The following MICAL2 variants were observed in gnomAD, a reference collection of about 807,000 sequenced individuals.
The protein encoded by MICAL2 is microtubule associated monooxygenase, calponin and LIM domain containing 2.
In MICAL2, 77 loss-of-function variants were observed where a neutral mutation model predicts 127.3. That is an observed-to-expected ratio of 0.60 (90% CI 0.50 to 0.73). MICAL2 has a LOEUF of 0.73. MICAL2 is among the 30% of genes least tolerant of loss of function. MICAL2 has a pLI of 0.00. For synonymous variants in MICAL2, 570 were observed against 551.1 expected (o/e 1.03, Z -0.48); for missense variants, 1,351 against 1,434.4 (o/e 0.94, Z 0.94).
intron 22 of MICAL2, among the ~76,000 whole-genome samples, chr11:12,249,780 G>C (rs575360735): frequency 9.2e-5 from 14 of 152,376 alleles, no homozygotes; most frequent in African/African-American, 3.4e-4. Flanking sequence ...GTGTAGCCGG[G>C]ACACCTGGTA....
At chr11:12,339,205 T>G (rs1938817612) in intron 32 of MICAL2, among the ~76,000 whole-genome samples, 1 of 152,252 alleles carries the variant, frequency 6.6e-6, no homozygotes, top group South Asian at 2.1e-4. Context: ...TCATTTCATC[T>G]TTCATCGCTG....
rs547937898 is a variant in MICAL2 at position 12,176,621 on chromosome 11, A to G, written c.264+14202A>G. ...TGTAAAACTGAAACTCTACCCATTC[A>G]ACAATAGCTGACAATTCTCCCCTCC... On this transcript the variant is annotated intron_variant, in intron 3 of 27. Coordinates refer to ENST00000683283, the MANE Select transcript of MICAL2 (RefSeq NM_001282663.2). 2.1e-3 allele frequency among the ~76,000 whole-genome samples: 326 copies of G among 152,256 alleles called. 1 individual carries two copies. The highest frequency in any genetic ancestry group is 7.4e-3 in the African/African-American group (309 of 41,550).
chr11:12,294,035 G>T (rs776662623), downstream of MICAL2: 6 of 1,614,174 alleles, frequency 3.7e-6, no homozygotes, highest in South Asian at 6.6e-5. Context: ...CCCTGAGAGT[G>T]TGCACCTCAA....
At chr11:12,330,643 T>C (rs1288644091) in intron 32 of MICAL2, among the ~76,000 whole-genome samples, 3 of 152,110 alleles carry the variant, frequency 2.0e-5, no homozygotes, top group African/African-American at 4.8e-5. Flanking sequence ...CAATTCCTGC[T>C]TTCTTTTTTT....
rs1481400221 is a variant in MICAL2 at position 12,236,118 on chromosome 11, A to T, written c.1996-59A>T. On this transcript the variant is annotated intron_variant, in intron 15 of 27. Coordinates refer to ENST00000683283, the MANE Select transcript of MICAL2 (RefSeq NM_001282663.2). ...CCAGCCCTATGCCCTCAGGGATCTT[A>T]GTGGGACTGAAGCCCTTGGTGGCCC... 36 of 1,440,796 alleles carry T rather than the reference A, an allele frequency of 2.5e-5. No homozygotes were observed. The Admixed American group carries it at 5.9e-4, about 23-fold the overall frequency. The allele number at this position is 1,440,796 out of a possible 1,614,324, so 89.3% of individuals were successfully genotyped here.
At chr11:12,319,656 G>A (rs746822250) in intron 29 of MICAL2, 3 of 1,432,518 alleles carry the variant, frequency 2.1e-6, no homozygotes, top group Non-Finnish European at 3.0e-6. Flanking sequence ...AGCAGGAAAT[G>A]AAGCTAGCAG....
chr11:12,164,374 G>A (rs2133821776), intron 3 of MICAL2, among the ~76,000 whole-genome samples: 1 of 152,286 alleles, frequency 6.6e-6, no homozygotes, highest in Non-Finnish European at 1.5e-5. Flanking sequence ...CTGAGGACTG[G>A]AAGATACATT....
At chr11:12,347,793 A>G (rs1158989845) in intron 32 of MICAL2, among the ~76,000 whole-genome samples, 4 of 152,110 alleles carry the variant, frequency 2.6e-5, no homozygotes, top group African/African-American at 9.7e-5. Flanking sequence ...CTTGGTGTCT[A>G]TGTGGGACTG....
intron 2 of MICAL2, among the ~76,000 whole-genome samples, chr11:12,282,545 A>T (rs1863783737): frequency 6.6e-6 from 1 of 152,270 alleles, no homozygotes; most frequent in Non-Finnish European, 1.5e-5. Flanking sequence ...TAACAAAACC[A>T]GTTTAGGAGG....
At chr11:12,128,686 C>A (rs1851149400) in intron 1 of MICAL2, among the ~76,000 whole-genome samples, 1 of 152,200 alleles carries the variant, frequency 6.6e-6, no homozygotes, top group South Asian at 2.1e-4. Context: ...GCCCTGCAGG[C>A]TTTATCAGAG....
chr11:12,164,372 T>A (rs2133821747), intron 3 of MICAL2, among the ~76,000 whole-genome samples: 1 of 151,938 alleles, frequency 6.6e-6, no homozygotes, highest in Non-Finnish European at 1.5e-5. Context: ...TGCTGAGGAC[T>A]GGAAGATACA....
At chr11:12,302,649 T>C (rs1193088458) in intron 29 of MICAL2, among the ~76,000 whole-genome samples, 1 of 152,176 alleles carries the variant, frequency 6.6e-6, no homozygotes. Context: ...TCTCTAATGA[T>C]GTCTTTGGAT....
intron 2 of MICAL2, chr11:12,287,057 C>T: frequency 5.0e-6 from 2 of 398,968 alleles, no homozygotes; most frequent in Non-Finnish European, 4.4e-6. Context: ...CCTCCCACCC[C>T]ATCTTCCCTG....
exon 35 of MICAL2, chr11:12,358,343 C>A (rs1565315162): frequency 6.2e-7 from 1 of 1,614,104 alleles, no homozygotes; most frequent in East Asian, 2.2e-5. Context: ...GAAGTATTCA[C>A]CGAGCTGATG....
At chr11:12,205,505 A>C (rs1033727138) in intron 4 of MICAL2, among the ~76,000 whole-genome samples, 1 of 152,310 alleles carries the variant, frequency 6.6e-6, no homozygotes, top group South Asian at 2.1e-4. Flanking sequence ...GGGTTCTGGA[A>C]CCAATCTCCA....
At chr11:12,337,433 T>A (rs1938786173) in intron 32 of MICAL2, among the ~76,000 whole-genome samples, 2 of 152,234 alleles carry the variant, frequency 1.3e-5, no homozygotes, top group South Asian at 4.1e-4. Flanking sequence ...TTTTGAAGGG[T>A]TTTTTGTGTC....
chr11:12,242,127 C>A, intron 18 of MICAL2, 87 bp from the exon 19 acceptor site: 2 of 1,164,468 alleles, frequency 1.7e-6, no homozygotes, highest in South Asian at 1.6e-5. Context: ...CACCCTTTGT[C>A]TCTGGTCTTC....
rs550832749 is a variant in MICAL2 at position 12,305,051 on chromosome 11, CA to C, written c.5212+10195del. Among the ~76,000 whole-genome samples the C allele has an allele frequency of 1.5e-3, 227 of 152,282 alleles. 2 individuals are homozygous for C. The highest frequency in any genetic ancestry group is 5.1e-3 in the African/African-American group (210 of 41,564). ...AATACAGTAGTGTCCCCCTTATCCACAGGGGGTACGTTCCAAGACCCCCAGT... is the reference window on the plus strand; with the variant it reads ...AATACAGTAGTGTCCCCCTTATCCACGGGGGTACGTTCCAAGACCCCCAGT... On this transcript the variant is annotated intron_variant, in intron 29 of 34. Coordinates refer to the MICAL2 transcript ENST00000646065.
In MICAL2 at chr11:12,223,416, G is replaced by A. The variant is rs1453051495; in HGVS notation, c.1455G>A (p.Lys485=). ...NSHCVRPHQV[K]HLYITKELEH... is the part of the protein sequence containing the mutation. ...CATGTCTCTCTTGCTCATAGGTGAA[G>A]CATTTGTATATCACTAAGGAGCTGG... The change falls in exon 12 of 28, where the codon AAG becomes AAA. Residue 485 remains lysine (K), a synonymous_variant. Coordinates refer to ENST00000683283, the MANE Select transcript of MICAL2 (RefSeq NM_001282663.2). 10 of 1,613,556 alleles carry A rather than the reference G, an allele frequency of 6.2e-6. No homozygotes were observed. The highest frequency in any genetic ancestry group is 2.7e-5 in the African/African-American group (2 of 74,904).
Sources: allele counts gnomAD v4.1 joint callset (sites outside exome capture counted in the v4.1 genomes callset), GRCh38; gene constraint gnomAD v4.1.1; transcripts MANE v1.5; gene names NCBI Gene and HGNC (gene_info 2026-07-23, HGNC 2026-07-21).